The following ABCB1 variants were observed in gnomAD, a reference collection of about 807,000 sequenced individuals.
ABCB1 encodes ATP-dependent translocase ABCB1.
A neutral mutation model predicts 142.0 loss-of-function variants in ABCB1; 69 were observed. The observed-to-expected ratio is 0.49, with a 90% confidence interval of 0.40 to 0.59. The LOEUF is 0.59. Ranked by LOEUF, ABCB1 falls within the 20% of genes least tolerant of loss-of-function variation. The pLI is 0.00. For synonymous variants in ABCB1, 532 were observed against 539.2 expected, an observed-to-expected ratio of 0.99 and a Z score of 0.18; for missense variants, 1,326 against 1,554.7, an observed-to-expected ratio of 0.85 and a Z score of 2.47.
At chr7:87,517,873 T>C (rs1250650364) in intron 23 of ABCB1, among the ~76,000 whole-genome samples, 1 of 152,240 alleles carries the variant, frequency 6.6e-6, no homozygotes, top group Non-Finnish European at 1.5e-5. Flanking sequence ...TTCCATCCTC[T>C]GTTTTAGGAA....
At position 87,600,262 on chromosome 7, in the gene ABCB1, G is replaced by A. The variant is rs967321916; in HGVS notation, c.-6-72C>T. ...GCGCTGGAGGTGAGACTAACCTCTA[G>A]TCCCCCGTCGAAGCCAGAGAGCAGT... On this transcript the variant is annotated intron_variant, in intron 1 of 27. Coordinates refer to ENST00000622132, the MANE Select transcript of ABCB1 (RefSeq NM_001348946.2). The A allele has an allele frequency of 1.6e-5, 20 of 1,280,034 alleles. No homozygotes were observed. In the Admixed American group the frequency reaches 3.6e-4, roughly 23 times the overall value. 79.3% of individuals were successfully genotyped at this position (1,280,034 alleles called of 1,614,324 possible). A position where few individuals can be genotyped will look rare whatever the true frequency, so the allele number is the denominator to read the frequency against.
At chr7:87,586,186 T>C (rs1402580351) in intron 3 of ABCB1, among the ~76,000 whole-genome samples, 2 of 152,060 alleles carry the variant, frequency 1.3e-5, no homozygotes, top group Non-Finnish European at 2.9e-5. Context: ...GCCTCAAGAA[T>C]GAGCAGAAAA....
In ABCB1 at chr7:87,566,925, G is replaced by A. The variant is rs772908864; in HGVS notation, c.390C>T (p.Tyr130=). 6.2e-7 allele frequency: 1 copy of A among 1,614,142 alleles called. No homozygotes were observed. Among genetic ancestry groups the A allele is most frequent in the Non-Finnish European group, 8.5e-7 (1 of 1,180,008 alleles). ...CCAGGCACCAAAATGAAACCTGAATGTAAGCAGCAACCAGCACCCCAGCAC... is the reference window on the plus strand; with the variant it reads ...CCAGGCACCAAAATGAAACCTGAATATAAGCAGCAACCAGCACCCCAGCAC... ...GIGAGVLVAA[Y]IQVSFWCLAA... The change falls in exon 6 of 28, where the codon TAC becomes TAT. Residue 130 remains tyrosine (Y), a synonymous_variant. Transcript: ENST00000622132.
At chr7:87,569,075 G>A (rs1265819067) in intron 5 of ABCB1, among the ~76,000 whole-genome samples, 9 of 152,040 alleles carry the variant, frequency 5.9e-5, no homozygotes, top group South Asian at 2.1e-4. Context: ...GCTCACACCC[G>A]TAATCCCAGC....
intron 1 of ABCB1, among the ~76,000 whole-genome samples, chr7:87,665,743 C>T (rs1371504817): frequency 6.6e-6 from 1 of 151,990 alleles, no homozygotes; most frequent in Non-Finnish European, 1.5e-5. Context: ...TCCTTCTTTC[C>T]ATGTGTAGTC....
intron 19 of ABCB1, chr7:87,536,932 C>T: frequency 3.5e-6 from 1 of 282,188 alleles, no homozygotes; most frequent in Non-Finnish European, 6.8e-6. Context: ...AAACAGAAGG[C>T]CTTTCTAAGG....
chr7:87,521,191 G>T (rs1815489467), intron 21 of ABCB1: 1 of 395,068 alleles, frequency 2.5e-6, no homozygotes, highest in South Asian at 2.7e-5. Context: ...TACTTCTATT[G>T]CAGTGCTCTT....
chr7:87,545,466 T>C (rs966036812), intron 15 of ABCB1, among the ~76,000 whole-genome samples: 3 of 152,234 alleles, frequency 2.0e-5, no homozygotes, highest in Admixed American at 6.5e-5. Flanking sequence ...ATTATTGATA[T>C]CCCATGATAT....
intron 21 of ABCB1, chr7:87,521,119 T>C: frequency 2.0e-6 from 1 of 495,592 alleles, no homozygotes; most frequent in Non-Finnish European, 3.6e-6. Context: ...AAATGGATTA[T>C]GGCATTGCTT....
intron 20 of ABCB1, among the ~76,000 whole-genome samples, chr7:87,535,170 C>A (rs1251696182): frequency 1.3e-5 from 2 of 152,092 alleles, no homozygotes; most frequent in Non-Finnish European, 2.9e-5. Flanking sequence ...CCCCTTCGGC[C>A]TATTCACACA....
chr7:87,634,714 A>G (rs1268409675), intron 1 of ABCB1, among the ~76,000 whole-genome samples: 6 of 152,184 alleles, frequency 3.9e-5, no homozygotes, highest in Admixed American at 6.5e-5. Flanking sequence ...AGTATGCCTC[A>G]TAAGACTGTT....
intron 25 of ABCB1, among the ~76,000 whole-genome samples, chr7:87,512,503 G>T (rs1815059300): frequency 6.6e-6 from 1 of 152,146 alleles, no homozygotes; most frequent in Admixed American, 6.5e-5. Flanking sequence ...CACCATTTCA[G>T]GTCAATGTTT....
At chr7:87,613,257 CTTTTTT>C (rs67823385) in intron 1 of ABCB1, among the ~76,000 whole-genome samples, 66 of 64,206 alleles carry the variant, frequency 1.0e-3, no homozygotes, top group Non-Finnish European at 1.5e-3. Context: ...TCCTTTATTT[CTTTTTT>C]TTTTTTTTTT....
intron 3 of ABCB1, among the ~76,000 whole-genome samples, chr7:87,589,433 T>C (rs1265381049): frequency 6.6e-6 from 1 of 152,100 alleles, no homozygotes; most frequent in African/African-American, 2.4e-5. Flanking sequence ...CCAAAAAACG[T>C]TGTAACACAG....
chr7:87,671,472 A>G (rs992289106), intron 1 of ABCB1, among the ~76,000 whole-genome samples: 3 of 151,924 alleles, frequency 2.0e-5, no homozygotes, highest in Admixed American at 6.6e-5. Context: ...ACTCTGGCCA[A>G]TTTTCCATAG....
chr7:87,546,078 T>A (rs1816767694), intron 14 of ABCB1, 54 bp from the exon 15 acceptor site: 5 of 1,569,460 alleles, frequency 3.2e-6, no homozygotes, highest in Non-Finnish European at 4.4e-6. Context: ...CTGAAGAAAC[T>A]TAACCATTCA....
At chr7:87,605,430 A>G (rs144716718), upstream of ABCB1, among the ~76,000 whole-genome samples, 4,574 of 152,274 alleles carry the variant, frequency 0.03, 64 homozygotes, top group Middle Eastern at 0.048. Context: ...CACCACGCCC[A>G]GCCTCCTCTA....
intron 1 of ABCB1, among the ~76,000 whole-genome samples, chr7:87,606,488 A>G (rs1226715138): frequency 6.6e-6 from 1 of 152,148 alleles, no homozygotes; most frequent in African/African-American, 2.4e-5. Context: ...ATTTTATAAC[A>G]GTGAAAAATG....
intron 23 of ABCB1, chr7:87,519,094 T>A (rs1815373417): frequency 1.9e-5 from 11 of 573,082 alleles, no homozygotes; most frequent in Non-Finnish European, 3.1e-5. Flanking sequence ...AGTCACAGAT[T>A]TGAAAAGGTC....
Sources: allele counts gnomAD v4.1 joint callset (sites outside exome capture counted in the v4.1 genomes callset), GRCh38; gene constraint gnomAD v4.1.1; transcripts MANE v1.5; gene names NCBI Gene and HGNC (gene_info 2026-07-23, HGNC 2026-07-21).